PTPRN2: variants seen among roughly 807,000 people sequenced by gnomAD.
PTPRN2 encodes protein tyrosine phosphatase receptor type N2, also known as receptor-type tyrosine-protein phosphatase N2.
In PTPRN2, 74 loss-of-function variants were observed where a neutral mutation model predicts 118.8. The ratio of observed to expected loss-of-function variants is 0.62; its 90% CI spans 0.52 to 0.76. The LOEUF (loss-of-function observed/expected upper bound fraction) is 0.76. Among genes scored for constraint, PTPRN2 ranks in the 30% least tolerant of loss-of-function variants. The probability of loss-of-function intolerance (pLI) is 0.00; values close to 1 mark genes in which losing one functional copy is unlikely to be tolerated. For synonymous variants in PTPRN2, 641 were observed against 608.0 expected (o/e 1.05, Z -0.80); for missense variants, 1,481 against 1,394.4 (o/e 1.06, Z -0.99).
intron 2 of PTPRN2, among the ~76,000 whole-genome samples, chr7:158,382,536 C>A (rs113426714): frequency 3.3e-5 from 5 of 152,294 alleles, no homozygotes; most frequent in African/African-American, 1.2e-4. Context: ...CCCCAACCCC[C>A]GGGCCATGAA....
intron 3 of PTPRN2, among the ~76,000 whole-genome samples, chr7:158,310,909 G>A (rs1042424927): frequency 3.9e-5 from 6 of 152,266 alleles, no homozygotes; most frequent in Admixed American, 1.3e-4. Flanking sequence ...AGCACCACGC[G>A]TGACTCCAAC....
chr7:158,503,196 C>T (rs1032764978), intron 1 of PTPRN2, among the ~76,000 whole-genome samples: 1 of 152,248 alleles, frequency 6.6e-6, no homozygotes, highest in Non-Finnish European at 1.5e-5. Context: ...TGTCCATCAG[C>T]CACTGTGTCC....
chr7:158,225,210 A>G (rs1828661653), intron 3 of PTPRN2, among the ~76,000 whole-genome samples: 1 of 152,170 alleles, frequency 6.6e-6, no homozygotes, highest in South Asian at 2.1e-4. Context: ...ATAAGACACA[A>G]AAATTGAACC....
chr7:157,793,483 G>C (rs1804655154), intron 12 of PTPRN2, among the ~76,000 whole-genome samples: 1 of 152,138 alleles, frequency 6.6e-6, no homozygotes, highest in South Asian at 2.1e-4. Context: ...AGGATCTGAG[G>C]GGCCTCCAGG....
At chr7:157,827,661 T>C (rs764166323) in intron 12 of PTPRN2, among the ~76,000 whole-genome samples, 30 of 152,238 alleles carry the variant, frequency 2.0e-4, no homozygotes, top group Admixed American at 3.9e-4. Flanking sequence ...GAACCCAGTG[T>C]GCTCTGCAGA....
rs569759226 is a variant in PTPRN2 at position 157,706,640 on chromosome 7, C to T, written c.1789-23703G>A. On this transcript the variant is annotated intron_variant, in intron 12 of 22. Transcript: ENST00000389418. ...GCCTTCCAGATCAACGTGACCACAT[C>T]CTTCCAGAATGCTGGGAATTGAGTG... Among the ~76,000 whole-genome samples, 4 of 151,664 alleles carry T rather than the reference C, an allele frequency of 2.6e-5. No individual in the cohort carries two copies. In the South Asian group the frequency reaches 8.3e-4, roughly 32 times the overall value.
chr7:157,894,600 G>T (rs1796997485), intron 12 of PTPRN2, among the ~76,000 whole-genome samples: 1 of 137,842 alleles, frequency 7.3e-6, no homozygotes, highest in Non-Finnish European at 1.6e-5. Context: ...GCTGAGAGCT[G>T]GGGTGTGAGT....
rs1041489545 is a variant in PTPRN2 at position 158,316,976 on chromosome 7, T to G, written c.164-44A>C. On this transcript the variant is annotated intron_variant, in intron 2 of 22. Transcript: ENST00000389418. Reference sequence around the variant, plus strand: ...ATAAGACAGAACGAGACGTTTCATTTTCAGAGAGCAGGAAGGTGTCACACA... The same window carrying G: ...ATAAGACAGAACGAGACGTTTCATTGTCAGAGAGCAGGAAGGTGTCACACA... The G allele has an allele frequency of 2.0e-6, 3 of 1,465,706 alleles. No homozygotes were observed. The African/African-American group carries it at 4.2e-5, about 21-fold the overall frequency. The allele number at this position is 1,465,706 out of a possible 1,614,324, so 90.8% of individuals were successfully genotyped here. A position where few individuals can be genotyped will look rare whatever the true frequency, so the allele number is the denominator to read the frequency against.
chr7:157,768,966 T>C (rs1184094711), intron 12 of PTPRN2, among the ~76,000 whole-genome samples: 1 of 152,320 alleles, frequency 6.6e-6, no homozygotes. Context: ...TGTCAACACA[T>C]AATTACTGTC....
chr7:158,178,077 T>G (rs929783329), intron 5 of PTPRN2, among the ~76,000 whole-genome samples: 1 of 152,256 alleles, frequency 6.6e-6, no homozygotes, highest in Non-Finnish European at 1.5e-5. Context: ...CTTATAGGTT[T>G]GTAGTGGTAT....
At chr7:157,760,595 A>G (rs1230275698) in intron 12 of PTPRN2, among the ~76,000 whole-genome samples, 1 of 151,722 alleles carries the variant, frequency 6.6e-6, no homozygotes, top group Non-Finnish European at 1.5e-5. Context: ...AGTCTTCTCC[A>G]TGCCCCTCAG....
intron 13 of PTPRN2, among the ~76,000 whole-genome samples, chr7:157,661,166 T>G (rs10280437): frequency 0.66 from 100,321 of 152,262 alleles, 33,784 homozygotes; most frequent in Non-Finnish European, 0.74. Context: ...GTTCGGTGCC[T>G]CTCAGCGGGG....
At chr7:158,453,940 C>T (rs1411262332) in intron 2 of PTPRN2, among the ~76,000 whole-genome samples, 1 of 71,498 alleles carries the variant, frequency 1.4e-5, no homozygotes, top group African/African-American at 4.6e-5. Flanking sequence ...ACAGACAAGA[C>T]ACACACAATC....
intron 3 of PTPRN2, among the ~76,000 whole-genome samples, chr7:158,236,790 C>CCACTTCACCGCCACCCATGCTGCCA (rs1585931104): frequency 2.9e-5 from 2 of 69,818 alleles, no homozygotes; most frequent in African/African-American, 7.1e-5. Context: ...GACCACTCTG[C>CCACTTCACCGCCACCCATGCTGCCA]TGTGGGGAAA....
At chr7:157,891,287 G>T (rs186010149) in intron 12 of PTPRN2, among the ~76,000 whole-genome samples, 240 of 152,242 alleles carry the variant, frequency 1.6e-3, no homozygotes, top group African/African-American at 5.7e-3. Flanking sequence ...AAACCTCTTT[G>T]CACAGACAGG....
intron 12 of PTPRN2, among the ~76,000 whole-genome samples, chr7:157,701,144 C>T (rs1796236): frequency 0.15 from 22,637 of 152,042 alleles, 1,780 homozygotes; most frequent in Admixed American, 0.2. Flanking sequence ...TCCAGTTTTA[C>T]AGATGAGAAA....
intron 17 of PTPRN2, among the ~76,000 whole-genome samples, chr7:157,580,782 G>C (rs1459737863): frequency 0.072 from 809 of 11,182 alleles, no homozygotes; most frequent in Middle Eastern, 0.14. Context: ...CTGCACACCC[G>C]AGCCCCTGCA....
At chr7:158,284,597 G>A (rs1464880477) in intron 3 of PTPRN2, among the ~76,000 whole-genome samples, 1 of 152,144 alleles carries the variant, frequency 6.6e-6, no homozygotes, top group East Asian at 1.9e-4. Context: ...TTCCTAATGA[G>A]AATTTAGGAG....
intron 11 of PTPRN2, among the ~76,000 whole-genome samples, chr7:157,937,564 A>T (rs1405217952): frequency 2.0e-5 from 3 of 152,176 alleles, no homozygotes. Context: ...AGCGCTCCCG[A>T]GTGCGGCCGC....
Sources: gnomAD v4.1 joint callset for allele counts (sites outside exome capture counted in the v4.1 genomes callset) on GRCh38, gnomAD v4.1.1 for gene constraint, MANE v1.5 for transcripts, NCBI Gene and HGNC (gene_info 2026-07-23, HGNC 2026-07-21) for gene names.